The following GRM4 variants were observed in gnomAD, a reference collection of about 807,000 sequenced individuals.
The protein encoded by GRM4 is metabotropic glutamate receptor 4.
A neutral mutation model predicts 81.7 loss-of-function variants in GRM4; 28 were observed. The ratio of observed to expected loss-of-function variants is 0.34; its 90% CI spans 0.25 to 0.47. The LOEUF (loss-of-function observed/expected upper bound fraction) is 0.47. Among genes scored for constraint, GRM4 ranks in the 20% least tolerant of loss-of-function variants. The probability of loss-of-function intolerance (pLI) is 1.00; values close to 1 mark genes in which losing one functional copy is unlikely to be tolerated. For missense variants in GRM4, 948 were observed against 1,290.0 expected, an observed-to-expected ratio of 0.73 and a Z score of 4.06; for synonymous variants, 488 against 528.8, an observed-to-expected ratio of 0.92 and a Z score of 1.06.
intron 1 of GRM4, 114 bp downstream of exon 1, chr6:34,145,886 G>T: frequency 1.7e-6 from 1 of 573,234 alleles, no homozygotes; most frequent in Non-Finnish European, 2.2e-6. Context: ...GCGGCGCTCC[G>T]CCACCCCTCC....
chr6:34,122,050 A>G (rs1769832239), intron 2 of GRM4, among the ~76,000 whole-genome samples: 2 of 152,092 alleles, frequency 1.3e-5, no homozygotes, highest in South Asian at 4.1e-4. Context: ...GCAGGCGGGC[A>G]AGCAGGTGGG....
intron 2 of GRM4, among the ~76,000 whole-genome samples, chr6:34,108,511 G>A (rs951945157): frequency 2.0e-5 from 3 of 152,216 alleles, no homozygotes; most frequent in African/African-American, 7.2e-5. Context: ...ACACTATGCT[G>A]CCTCCACAGA....
In GRM4 at chr6:34,072,649, ACAT is replaced by A. The variant is rs1766999415; in HGVS notation, c.737-10624_737-10622del. 2.0e-5 allele frequency among the ~76,000 whole-genome samples: 3 copies of A among 149,420 alleles called. 1 individual carries two copies. Among genetic ancestry groups the A allele is most frequent in the African/African-American group, 5.0e-5 (2 of 40,216 alleles). On this transcript the variant is annotated intron_variant, in intron 3 of 10. Transcript: ENST00000538487. ...GCATAGATACACACCACACACACAC[ACAT>A]CACCACATAGATACACACCACACAC...
chr6:34,128,371 TTTC>T (rs1165651083), intron 2 of GRM4, among the ~76,000 whole-genome samples: 3 of 150,108 alleles, frequency 2.0e-5, no homozygotes, highest in East Asian at 3.9e-4. Context: ...CTCTTTTTTT[TTTC>T]TTTTCTTTTT....
intron 2 of GRM4, chr6:34,100,036 C>T: frequency 2.0e-6 from 2 of 982,852 alleles, no homozygotes; most frequent in Non-Finnish European, 2.4e-6. Context: ...TATTCCTCTG[C>T]TCTGTGGATT....
chr6:34,037,545 TG>T (rs1764773624), intron 8 of GRM4, among the ~76,000 whole-genome samples: 1 of 151,896 alleles, frequency 6.6e-6, no homozygotes, highest in Non-Finnish European at 1.5e-5. Context: ...ACTAGCTGGT[TG>T]GGGGGTGTGG....
chr6:34,047,703 A>G lies in GRM4; in HGVS notation c.1169-6955T>C, dbSNP rs1322481917. On this transcript the variant is annotated intron_variant, in intron 6 of 10. Coordinates refer to ENST00000538487, the MANE Select transcript of GRM4 (RefSeq NM_000841.4). The surrounding 1 kb of genome is among the most constrained non-coding windows in gnomAD (Gnocchi z 4.5). ...CACCAACTCCTTCCAGTCCCAGTGA[A>G]TGATGCATCCAGGTGTTTCGAGGGC... Among the ~76,000 whole-genome samples the G allele has an allele frequency of 6.6e-6, 1 of 151,960 alleles. No homozygotes were observed. Among genetic ancestry groups the G allele is most frequent in the East Asian group, 1.9e-4 (1 of 5,178 alleles).
At chr6:34,043,960 AC>A (rs1765133579) in intron 6 of GRM4, among the ~76,000 whole-genome samples, 1 of 151,930 alleles carries the variant, frequency 6.6e-6, no homozygotes, top group Non-Finnish European at 1.5e-5. Flanking sequence ...TCTCAAGTCT[AC>A]CCCCAGTAGC....
chr6:34,133,480 C>T lies in GRM4; in HGVS notation c.17G>A (p.Gly6Asp). ...CAGCCGGGCCCACCACCAGCCCAAGCCTCTCTTCCCAGGCATCTCGGAAAT... is the reference window on the plus strand; with the variant it reads ...CAGCCGGGCCCACCACCAGCCCAAGTCTCTCTTCCCAGGCATCTCGGAAAT... Reference protein sequence around the residue: MPGKRGLGWWWARLPL... With the variant: MPGKRDLGWWWARLPL... Residue 6 changes from glycine to aspartate, a missense_variant, in exon 2 of 11, where the codon GGC (glycine) becomes GAC (aspartate). Physicochemically the swap from Gly to Asp is moderately conservative, Grantham distance 94. Transcript: ENST00000538487. This position sits in a 1 kb window ranked among gnomAD's most constrained non-coding sequence, Gnocchi z 6.5. 1 of 1,573,584 alleles carries T rather than the reference C, an allele frequency of 6.4e-7. No homozygotes were observed. Among genetic ancestry groups the T allele is most frequent in the Non-Finnish European group, 8.6e-7 (1 of 1,160,458 alleles).
chr6:34,147,504 T>C (rs1181683836), upstream of GRM4, among the ~76,000 whole-genome samples: 1 of 152,240 alleles, frequency 6.6e-6, no homozygotes, highest in African/African-American at 2.4e-5. Context: ...CACATGTGCA[T>C]GTCTGGGTCA....
Position 34,115,489 on chromosome 6 carries a change from T to A in GRM4, c.519+17489A>T, listed in dbSNP as rs1477004248. Among the ~76,000 whole-genome samples, 1 of 152,130 alleles carries A rather than the reference T, an allele frequency of 6.6e-6. No homozygotes were observed. On this transcript the variant is annotated intron_variant, in intron 2 of 10. Coordinates refer to ENST00000538487, the MANE Select transcript of GRM4 (RefSeq NM_000841.4). This position sits in a 1 kb window ranked among gnomAD's most constrained non-coding sequence, Gnocchi z 4.1. ...AGCATAACCACCCCCAAGCCCAAAT[T>A]GCTGCCCCTTCCCCTGCTCCCAGCC...
chr6:34,122,312 A>C (rs185957786), intron 2 of GRM4, among the ~76,000 whole-genome samples: 35 of 152,218 alleles, frequency 2.3e-4, no homozygotes, highest in Middle Eastern at 3.4e-3. Flanking sequence ...ACAGTCAGAC[A>C]GAAGGAGGCA....
At position 34,089,639 on chromosome 6, in the gene GRM4, G is replaced by A. The variant is rs901780112; in HGVS notation, c.736+2244C>T. ...TGCCAGGACAGGAGTGCCCCGAGCTGGAGGCCCTTGCATAATGGCAAATTT... is the reference window on the plus strand; with the variant it reads ...TGCCAGGACAGGAGTGCCCCGAGCTAGAGGCCCTTGCATAATGGCAAATTT... On this transcript the variant is annotated intron_variant, in intron 3 of 10. Coordinates refer to ENST00000538487, the MANE Select transcript of GRM4 (RefSeq NM_000841.4). The surrounding 1 kb of genome is among the most constrained non-coding windows in gnomAD (Gnocchi z 4.3). Among the ~76,000 whole-genome samples, 1 of 152,128 alleles carries A rather than the reference G, an allele frequency of 6.6e-6. No individual in the cohort carries two copies. Among genetic ancestry groups the A allele is most frequent in the Non-Finnish European group, 1.5e-5 (1 of 68,034 alleles).
rs371651375 is a variant in GRM4 at position 34,064,119 on chromosome 6, C to T, written c.737-2091G>A. ...CTCAGTCAGCGGGAGTGTGAGTGAGCCACAAGCAACTTGAGATGCAAGTGC... is the reference window on the plus strand; with the variant it reads ...CTCAGTCAGCGGGAGTGTGAGTGAGTCACAAGCAACTTGAGATGCAAGTGC... On this transcript the variant is annotated intron_variant, in intron 3 of 10. Coordinates refer to ENST00000538487, the MANE Select transcript of GRM4 (RefSeq NM_000841.4). The surrounding 1 kb of genome is among the most constrained non-coding windows in gnomAD (Gnocchi z 4.4). Among the ~76,000 whole-genome samples the T allele has an allele frequency of 2.6e-5, 4 of 152,192 alleles. No homozygotes were observed. The highest frequency in any genetic ancestry group is 9.6e-5 in the African/African-American group (4 of 41,520).
Position 34,130,151 on chromosome 6 carries a change from T to A in GRM4, c.519+2827A>T, listed in dbSNP as rs1374406099. On this transcript the variant is annotated intron_variant, in intron 2 of 10. Transcript: ENST00000538487. This position sits in a 1 kb window ranked among gnomAD's most constrained non-coding sequence, Gnocchi z 4.1. ...CCAAAGTTCAATCTTTTTGCTTCTGTAAATGGCTTTTAAGTTTCTCACCCA... is the reference window on the plus strand; with the variant it reads ...CCAAAGTTCAATCTTTTTGCTTCTGAAAATGGCTTTTAAGTTTCTCACCCA... Among the ~76,000 whole-genome samples the A allele has an allele frequency of 6.6e-6, 1 of 152,210 alleles. No individual in the cohort carries two copies. The highest frequency in any genetic ancestry group is 1.5e-5 in the Non-Finnish European group (1 of 68,042).
At chr6:34,028,409 CT>C (rs1562007590) in intron 9 of GRM4, 43 bp from the exon 10 acceptor site, 2 of 1,579,026 alleles carry the variant, frequency 1.3e-6, no homozygotes, top group Non-Finnish European at 1.7e-6. Flanking sequence ...TCTGCCCCGA[CT>C]GAGGGCCCTG....
chr6:34,045,565 G>A (rs920130722), intron 6 of GRM4, among the ~76,000 whole-genome samples: 1 of 152,226 alleles, frequency 6.6e-6, no homozygotes, highest in African/African-American at 2.4e-5. Flanking sequence ...ACCCTGAACT[G>A]CCCCTCCTCC....
chr6:34,083,255 G>A (rs2127479995), intron 3 of GRM4, among the ~76,000 whole-genome samples: 1 of 152,302 alleles, frequency 6.6e-6, no homozygotes, highest in African/African-American at 2.4e-5. Flanking sequence ...CACCAACCTG[G>A]GGACTTACAA....
chr6:34,087,585 C>T (rs111754648), intron 3 of GRM4, among the ~76,000 whole-genome samples: 2 of 151,952 alleles, frequency 1.3e-5, no homozygotes, highest in African/African-American at 2.4e-5. Flanking sequence ...CAGAGGAGCC[C>T]GGGAGGGAAG....
Sources: gnomAD v4.1 joint callset for allele counts (sites outside exome capture counted in the v4.1 genomes callset) on GRCh38, gnomAD v4.1.1 for gene constraint, Gnocchi (gnomAD v3.1) non-coding constraint, MANE v1.5 for transcripts, NCBI Gene and HGNC (gene_info 2026-07-23, HGNC 2026-07-21) for gene names.